Variants in GRK3 observed in about 807,000 individuals in gnomAD.
The protein encoded by GRK3 is adrenergic, beta, receptor kinase 2.
Under a neutral mutation model 95.7 loss-of-function variants are expected in GRK3, and 54 were observed. The observed-to-expected ratio is 0.56, with a 90% confidence interval of 0.45 to 0.71. The LOEUF is 0.71. GRK3 is among the 30% of genes least tolerant of loss of function. The pLI is 0.00. For synonymous variants in GRK3, 281 were observed against 290.8 expected, an observed-to-expected ratio of 0.97 and a Z score of 0.34; for missense variants, 649 against 851.2, an observed-to-expected ratio of 0.76 and a Z score of 2.96.
At position 25,565,177 on chromosome 22, in the gene GRK3, C is replaced by T. The variant is rs747400449; in HGVS notation, c.113+24C>T. The T allele has an allele frequency of 9.5e-5, 130 of 1,372,634 alleles. 1 individual carries two copies. Among genetic ancestry groups the T allele is most frequent in the Non-Finnish European group, 1.2e-4 (119 of 1,022,368 alleles). The allele number at this position is 1,372,634 out of a possible 1,614,324, so 85.0% of individuals were successfully genotyped here. Reference sequence around the variant, plus strand: ...AGGTACCAGCTGCCCCGGCCGGCGCCGGCCCCAAGCCGCCGCCCCCTGCGG... The same window carrying T: ...AGGTACCAGCTGCCCCGGCCGGCGCTGGCCCCAAGCCGCCGCCCCCTGCGG... On this transcript the variant is annotated intron_variant, in intron 1 of 20. Transcript: ENST00000324198.
intron 13 of GRK3, among the ~76,000 whole-genome samples, chr22:25,697,926 G>A (rs1011243725): frequency 6.6e-6 from 1 of 152,188 alleles, no homozygotes; most frequent in Non-Finnish European, 1.5e-5. Flanking sequence ...CTCACAGATA[G>A]GATATAGCAC....
chr22:25,688,098 T>A (rs965522391), intron 11 of GRK3, among the ~76,000 whole-genome samples: 3 of 151,684 alleles, frequency 2.0e-5, no homozygotes, highest in African/African-American at 7.3e-5. Context: ...TAGCCGGGCG[T>A]GGTGGCAGGT....
chr22:25,672,380 A>T, intron 7 of GRK3, 33 bp downstream of exon 7: 1 of 1,166,682 alleles, frequency 8.6e-7, no homozygotes, highest in Non-Finnish European at 1.2e-6. Flanking sequence ...TTCATTTTTT[A>T]AATAAAAACT....
At chr22:25,656,566 A>G (rs541043930) in intron 3 of GRK3, among the ~76,000 whole-genome samples, 2 of 152,094 alleles carry the variant, frequency 1.3e-5, no homozygotes, top group Admixed American at 6.5e-5. Context: ...GCCTTAAGTG[A>G]TCCTCCCCCC....
intron 15 of GRK3, among the ~76,000 whole-genome samples, chr22:25,709,138 C>T (rs1291364271): frequency 6.6e-6 from 1 of 151,748 alleles, no homozygotes; most frequent in Non-Finnish European, 1.5e-5. Context: ...CCCGGGTTCA[C>T]GCCGTTCTCC....
At chr22:25,654,084 A>G (rs991651579) in intron 3 of GRK3, among the ~76,000 whole-genome samples, 9 of 152,248 alleles carry the variant, frequency 5.9e-5, no homozygotes, top group African/African-American at 1.9e-4. Context: ...TGCTTAGAGC[A>G]TGTTCTCTGA....
At chr22:25,687,316 T>C (rs1004923205) in intron 10 of GRK3, among the ~76,000 whole-genome samples, 1 of 152,136 alleles carries the variant, frequency 6.6e-6, no homozygotes, top group Non-Finnish European at 1.5e-5. Flanking sequence ...TTGGTTTTGC[T>C]GTCTTGTCCT....
chr22:25,627,623 G>C (rs1273050980), intron 2 of GRK3, among the ~76,000 whole-genome samples: 1 of 152,142 alleles, frequency 6.6e-6, no homozygotes, highest in Non-Finnish European at 1.5e-5. Flanking sequence ...AACGTTCATT[G>C]AGCCAATTAA....
At chr22:25,710,469 T>C (rs1226878096) in intron 16 of GRK3, among the ~76,000 whole-genome samples, 1 of 152,222 alleles carries the variant, frequency 6.6e-6, no homozygotes, top group Non-Finnish European at 1.5e-5. Context: ...TTTCCTTATT[T>C]TAAGCTTCAT....
At chr22:25,666,751 T>C (rs776862502) in intron 5 of GRK3, among the ~76,000 whole-genome samples, 11 of 152,102 alleles carry the variant, frequency 7.2e-5, no homozygotes, top group South Asian at 4.1e-4. Context: ...TAGTTTTTCT[T>C]TTATTTTGTT....
At chr22:25,620,904 C>T (rs1010146449) in intron 2 of GRK3, among the ~76,000 whole-genome samples, 4 of 152,184 alleles carry the variant, frequency 2.6e-5, no homozygotes, top group East Asian at 1.9e-4. Flanking sequence ...AAGGGGTTAA[C>T]GAATTCCATC....
intron 2 of GRK3, among the ~76,000 whole-genome samples, chr22:25,620,208 G>A (rs988559305): frequency 6.6e-6 from 1 of 152,108 alleles, no homozygotes; most frequent in Non-Finnish European, 1.5e-5. Context: ...AGAGAGGCTG[G>A]AGAAGGCAGT....
intron 13 of GRK3, among the ~76,000 whole-genome samples, chr22:25,700,802 G>T (rs1201851299): frequency 6.6e-6 from 1 of 152,202 alleles, no homozygotes; most frequent in East Asian, 1.9e-4. Context: ...AGCCGGGATG[G>T]TCTTGATCTC....
intron 1 of GRK3, among the ~76,000 whole-genome samples, chr22:25,586,517 G>A (rs1233356158): frequency 6.6e-6 from 1 of 152,258 alleles, no homozygotes; most frequent in Non-Finnish European, 1.5e-5. Context: ...AATGTTAAAA[G>A]ATAAATTAAA....
Position 25,695,081 on chromosome 22 carries a change from A to G in GRK3, c.1053-26A>G, listed in dbSNP as rs373249051. On this transcript the variant is annotated intron_variant, in intron 12 of 20. Coordinates refer to ENST00000324198, the MANE Select transcript of GRK3 (RefSeq NM_005160.4). ...TTTTCTAAAGTGGGCATGCTCTGAT[A>G]ACTGTGTATACTTTCTTCTCCCTAG... is the stretch of plus-strand genomic sequence containing the variant. 1.6e-5 allele frequency: 25 copies of G among 1,562,748 alleles called. No individual in the cohort carries two copies. In the African/African-American group the frequency reaches 3.1e-4, roughly 19 times the overall value.
At chr22:25,712,955 T>C (rs1030300512) in intron 17 of GRK3, among the ~76,000 whole-genome samples, 1 of 152,230 alleles carries the variant, frequency 6.6e-6, no homozygotes, top group Non-Finnish European at 1.5e-5. Flanking sequence ...AGAAACTGTC[T>C]TTTAAAAACA....
intron 3 of GRK3, chr22:25,647,303 T>C: frequency 8.3e-7 from 1 of 1,199,562 alleles, no homozygotes; most frequent in Non-Finnish European, 1.2e-6. Context: ...GTCCAGCCAT[T>C]AAATACCTGA....
chr22:25,608,951 T>C (rs140340375), intron 2 of GRK3, among the ~76,000 whole-genome samples: 2 of 152,336 alleles, frequency 1.3e-5, no homozygotes, highest in East Asian at 3.9e-4. Context: ...TAATTGCCAC[T>C]ATTCAGAATA....
At chr22:25,656,772 A>G (rs959824729) in intron 3 of GRK3, among the ~76,000 whole-genome samples, 2 of 152,220 alleles carry the variant, frequency 1.3e-5, no homozygotes, top group African/African-American at 4.8e-5. Context: ...ACCTGGAAGT[A>G]AAAACTGCTA....
Sources: allele counts gnomAD v4.1 joint callset (sites outside exome capture counted in the v4.1 genomes callset), GRCh38; gene constraint gnomAD v4.1.1; transcripts MANE v1.5; gene names NCBI Gene and HGNC (gene_info 2026-07-23, HGNC 2026-07-21).